The following LLGL2 variants were observed in gnomAD, a reference collection of about 807,000 sequenced individuals.
The protein encoded by LLGL2 is LLGL scribble cell polarity complex component 2.
A neutral mutation model predicts 123.2 loss-of-function variants in LLGL2; 81 were observed. That is an observed-to-expected ratio of 0.66 (90% CI 0.55 to 0.79). The LOEUF is 0.79. LLGL2 is among the 30% of genes least tolerant of loss of function. LLGL2 has a pLI of 0.00. For missense variants in LLGL2, 1,273 were observed against 1,414.6 expected, an observed-to-expected ratio of 0.90 and a Z score of 1.61; for synonymous variants, 577 against 594.1, an observed-to-expected ratio of 0.97 and a Z score of 0.42.
At chr17:75,572,657 T>C (rs2055773031) in intron 19 of LLGL2, among the ~76,000 whole-genome samples, 1 of 122,604 alleles carries the variant, frequency 8.2e-6, no homozygotes, top group Admixed American at 8.2e-5. Context: ...AGAGCGAGAT[T>C]CCGTCTCAAA....
In LLGL2 at chr17:75,544,751, A is replaced by G. The variant is rs1449567351; in HGVS notation, c.75+1250A>G. On this transcript the variant is annotated intron_variant, in intron 2 of 25. Transcript: ENST00000392550. This position sits in a 1 kb window ranked among gnomAD's most constrained non-coding sequence, Gnocchi z 4.2. The stretch of plus-strand genomic sequence containing the variant: ...TGGGAGAGGTGGGTCAGCGCTCCCA[A>G]TGTGCCCTGCCATTTCTCTCTGTGT... Among the ~76,000 whole-genome samples, 2 of 152,194 alleles carry G rather than the reference A, an allele frequency of 1.3e-5. No individual in the cohort carries two copies. The highest frequency in any genetic ancestry group is 6.5e-5 in the Admixed American group (1 of 15,294).
At chr17:75,542,212 A>T (rs1359856155) in intron 1 of LLGL2, among the ~76,000 whole-genome samples, 1 of 151,828 alleles carries the variant, frequency 6.6e-6, no homozygotes, top group Non-Finnish European at 1.5e-5. Context: ...AAGAACGCGA[A>T]ATCCTTCAAA....
chr17:75,566,927 C>T (rs2055467763), intron 10 of LLGL2, among the ~76,000 whole-genome samples: 1 of 152,138 alleles, frequency 6.6e-6, no homozygotes, highest in South Asian at 2.1e-4. Flanking sequence ...TGGAGTCATC[C>T]ACGCAGAGAT....
At chr17:75,551,645 A>G (rs2054679752) in intron 2 of LLGL2, among the ~76,000 whole-genome samples, 1 of 151,920 alleles carries the variant, frequency 6.6e-6, no homozygotes, top group African/African-American at 2.4e-5. Flanking sequence ...TGTTAGAAGA[A>G]CTGCCCGCCC....
chr17:75,551,261 T>C (rs889497822), intron 2 of LLGL2, among the ~76,000 whole-genome samples: 3 of 152,146 alleles, frequency 2.0e-5, no homozygotes, highest in African/African-American at 7.2e-5. Flanking sequence ...AGCAGAGGCC[T>C]GTGTGTGCTG....
intron 2 of LLGL2, among the ~76,000 whole-genome samples, chr17:75,550,068 C>T (rs1306857263): frequency 1.3e-5 from 2 of 152,192 alleles, no homozygotes; most frequent in Non-Finnish European, 2.9e-5. Context: ...TGCCGCGCTT[C>T]GGAGGCCCCA....
rs769349711 is a variant in LLGL2, at chr17:75,570,065, G to T, written c.1684G>T (p.Glu562Ter). 6.2e-7 allele frequency: 1 copy of T among 1,612,508 alleles called. No individual in the cohort carries two copies. Among genetic ancestry groups the T allele is most frequent in the African/African-American group, 1.3e-5 (1 of 75,048 alleles). The change falls in exon 15 of 26, where the codon GAG becomes TAG. Residue 562 changes from glutamate (E) to a stop codon, truncating the protein, a stop_gained. Transcript: ENST00000392550. LOFTEE classifies it high-confidence loss of function. ...DQEGYRWKGHERLAARSGPVR... is the reference protein window; with the variant it reads ...DQEGYRWKGH ...AGAGGGCTACCGCTGGAAGGGGCAC[G>T]AGCGCCTGGCAGCCCGCTCAGGGCC...
intron 2 of LLGL2, 148 bp downstream of exon 2, chr17:75,543,649 C>G (rs924868944): frequency 1.5e-5 from 8 of 540,930 alleles, no homozygotes; most frequent in African/African-American, 3.9e-5. Flanking sequence ...GGAAATGGGG[C>G]CTGGTTAAAG....
At chr17:75,557,984 G>A (rs773369162) in intron 3 of LLGL2, 171 bp from the exon 4 acceptor site, 14 of 744,776 alleles carry the variant, frequency 1.9e-5, no homozygotes, top group African/African-American at 1.4e-4. Flanking sequence ...CAGGGCCAGG[G>A]CTGCTGTGTC....
At chr17:75,551,730 C>T (rs1186060736) in intron 2 of LLGL2, among the ~76,000 whole-genome samples, 1 of 152,026 alleles carries the variant, frequency 6.6e-6, no homozygotes, top group African/African-American at 2.4e-5. Flanking sequence ...TGCTGGTGTG[C>T]GGAATTGTCG....
intron 19 of LLGL2, among the ~76,000 whole-genome samples, chr17:75,572,404 C>T (rs1425793512): frequency 2.0e-5 from 3 of 152,190 alleles, no homozygotes; most frequent in African/African-American, 7.2e-5. Flanking sequence ...TGGCTCATGC[C>T]TGTAATCCCA....
At position 75,558,053 on chromosome 17, in the gene LLGL2, CT is replaced by C. The variant is rs1228485423; in HGVS notation, c.174-101del. The C allele has an allele frequency of 6.2e-6, 7 of 1,124,992 alleles. No homozygotes were observed. Among genetic ancestry groups the C allele is most frequent in the Non-Finnish European group, 9.5e-6 (7 of 738,694 alleles). The allele number at this position is 1,124,992 out of a possible 1,614,324, so 69.7% of individuals were successfully genotyped here. A position where few individuals can be genotyped will look rare whatever the true frequency, so the allele number is the denominator to read the frequency against. On this transcript the variant is annotated intron_variant, in intron 3 of 25. Transcript: ENST00000392550. This position sits in a 1 kb window ranked among gnomAD's most constrained non-coding sequence, Gnocchi z 4.0. ...GCTGCCTCGGGGGAGGGCAGCCCCTCTCTGTGTTTGCATCATTGCACATGGG... is the reference window on the plus strand; with the variant it reads ...GCTGCCTCGGGGGAGGGCAGCCCCTCCTGTGTTTGCATCATTGCACATGGG...
rs1217696657 is a variant in LLGL2, at chr17:75,575,055, C to A, written c.*177C>A. The A allele has an allele frequency of 4.8e-6, 4 of 830,288 alleles. No individual in the cohort carries two copies. The highest frequency in any genetic ancestry group is 8.1e-6 in the Non-Finnish European group (4 of 495,148). The allele number at this position is 830,288 out of a possible 1,614,324, so 51.4% of individuals were successfully genotyped here. A position where few individuals can be genotyped will look rare whatever the true frequency, so the allele number is the denominator to read the frequency against. On this transcript the variant is annotated 3_prime_UTR_variant, in exon 26 of 26. Transcript: ENST00000392550. ...AGAGGAGAGACCCCAGTCCCCTGGG[C>A]TGCCCTTCCCGGGCCTCGTCTGTCT...
At chr17:75,546,898 C>T (rs531890009) in intron 2 of LLGL2, among the ~76,000 whole-genome samples, 2 of 152,130 alleles carry the variant, frequency 1.3e-5, no homozygotes, top group Non-Finnish European at 2.9e-5. Context: ...AGGGCTGGAG[C>T]CTGGAGCGGC....
At chr17:75,550,428 A>G in intron 2 of LLGL2, among the ~76,000 whole-genome samples, 1 of 130,262 alleles carries the variant, frequency 7.7e-6, no homozygotes, top group Admixed American at 8.4e-5. Flanking sequence ...AGGGAAGCTA[A>G]GCCTTACAAG....
chr17:75,563,894 GC>G, intron 9 of LLGL2, 88 bp downstream of exon 9: 1 of 1,309,194 alleles, frequency 7.6e-7, no homozygotes, highest in Non-Finnish European at 1.1e-6. Context: ...GGAAGTTGGT[GC>G]CAGTGAACAC....
chr17:75,539,089 C>A (rs1282821052), intron 1 of LLGL2, among the ~76,000 whole-genome samples: 1 of 151,808 alleles, frequency 6.6e-6, no homozygotes, highest in East Asian at 1.9e-4. Flanking sequence ...GACAGAGTTT[C>A]GCTCTGTCAC....
At chr17:75,562,772 G>A in intron 6 of LLGL2, 1 of 549,166 alleles carries the variant, frequency 1.8e-6, no homozygotes, top group East Asian at 3.1e-5. Context: ...GTTTTGCCAT[G>A]TTGGCCAGGC....
At chr17:75,566,211 G>T (rs921880590) in intron 10 of LLGL2, among the ~76,000 whole-genome samples, 3 of 152,222 alleles carry the variant, frequency 2.0e-5, no homozygotes, top group Non-Finnish European at 4.4e-5. Flanking sequence ...TGTGGCCAGC[G>T]CCAGATCGTA....
Sources: allele counts gnomAD v4.1 joint callset (sites outside exome capture counted in the v4.1 genomes callset), GRCh38; gene constraint gnomAD v4.1.1; non-coding constraint Gnocchi (gnomAD v3.1); transcripts MANE v1.5; gene names NCBI Gene and HGNC (gene_info 2026-07-23, HGNC 2026-07-21).